EFHC1: variants seen among roughly 807,000 people sequenced by gnomAD.
The protein encoded by EFHC1 is EF-hand domain containing 1, also known as EF-hand domain-containing protein 1.
Under a neutral mutation model 69.9 loss-of-function variants are expected in EFHC1, and 53 were observed. The observed-to-expected ratio is 0.76, with a 90% CI of 0.61 to 0.95. EFHC1 has a LOEUF of 0.95. Ranked by LOEUF, EFHC1 falls within the 40% of genes least tolerant of loss-of-function variation. The pLI is 0.00. For synonymous variants in EFHC1, 256 were observed against 278.4 expected, an observed-to-expected ratio of 0.92 and a Z score of 0.80; for missense variants, 739 against 798.7, an observed-to-expected ratio of 0.93 and a Z score of 0.90.
intron 7 of EFHC1, among the ~76,000 whole-genome samples, chr6:52,477,899 C>A (rs1765577725): frequency 6.6e-6 from 1 of 152,116 alleles, no homozygotes; most frequent in South Asian, 2.1e-4. Context: ...CTGGAAATAC[C>A]ATTTGACCCA....
rs9463792 is a variant in EFHC1, at chr6:52,492,733, A to C, written c.*392A>C. 0.028 allele frequency: 12,502 copies of C among 442,070 alleles called. 405 individuals are homozygous for C. Among genetic ancestry groups the C allele is most frequent in the East Asian group, 0.15 (2,099 of 14,300 alleles). The allele number at this position is 442,070 out of a possible 1,614,324, so 27.4% of individuals were successfully genotyped here. On this transcript the variant is annotated 3_prime_UTR_variant, in exon 11 of 11. Transcript: ENST00000371068. ...GGGCTCAAGTGATCCTCCCACTTCA[A>C]CCTCCCCAGTAGCTGGGACAACAGG...
At chr6:52,441,459 A>G (rs146393865) in intron 3 of EFHC1, among the ~76,000 whole-genome samples, 45 of 152,118 alleles carry the variant, frequency 3.0e-4, no homozygotes, top group African/African-American at 9.6e-4. Flanking sequence ...CCATTGGTCT[A>G]TGTGTCTGTT....
chr6:52,423,656 AATT>A, intron 1 of EFHC1: 2 of 488,040 alleles, frequency 4.1e-6, no homozygotes, highest in Non-Finnish European at 3.5e-6. Context: ...ACACCCAGCT[AATT>A]TTTTTTTTTT....
intron 7 of EFHC1, among the ~76,000 whole-genome samples, chr6:52,477,194 G>A (rs973185269): frequency 6.6e-6 from 1 of 151,956 alleles, no homozygotes; most frequent in Non-Finnish European, 1.5e-5. Flanking sequence ...GAGAGCAGAG[G>A]AGTGATATGA....
rs780537898 is a variant in EFHC1 at position 52,438,444 on chromosome 6, A to G, written c.426A>G (p.Gly142=). 2 of 1,614,126 alleles carry G rather than the reference A, an allele frequency of 1.2e-6. No homozygotes were observed. The highest frequency in any genetic ancestry group is 4.5e-5 in the East Asian group (2 of 44,884). ...SVIEPVVENS[G]ILQGKLIKRQ... ...TAGAGCCTGTTGTAGAAAATTCTGG[A>G]ATCCTTCAAGGCAAGTTAATAAAAC... is the stretch of plus-strand genomic sequence containing the variant. Residue 142 remains glycine (G), a synonymous_variant, in exon 3 of 11, where the codon GGA becomes GGG. Coordinates refer to ENST00000371068, the MANE Select transcript of EFHC1 (RefSeq NM_018100.4).
At position 52,452,543 on chromosome 6, in the gene EFHC1, C is replaced by A. The variant is rs1187241518; in HGVS notation, c.574-145C>A. On this transcript the variant is annotated intron_variant, in intron 3 of 10. Transcript: ENST00000371068. Reference sequence around the variant, plus strand: ...TTGTGAACTCCTGCGTTTCAGGAGTCCTCCTACCTCAGCCTCCCAAAGTGC... The same window carrying A: ...TTGTGAACTCCTGCGTTTCAGGAGTACTCCTACCTCAGCCTCCCAAAGTGC... The A allele has an allele frequency of 1.2e-5, 10 of 841,486 alleles. No homozygotes were observed. The Admixed American group carries it at 2.1e-4, about 18-fold the overall frequency. The allele number at this position is 841,486 out of a possible 1,614,324, so 52.1% of individuals were successfully genotyped here.
chr6:52,488,238 C>T (rs1765827232), intron 9 of EFHC1: 2 of 152,152 alleles, frequency 1.3e-5, no homozygotes, highest in Admixed American at 6.5e-5. Context: ...CCCTGGTGGT[C>T]ATTCATAATT....
At chr6:52,464,793 T>G in intron 5 of EFHC1, 102 bp from the exon 6 acceptor site, 1 of 953,438 alleles carries the variant, frequency 1.0e-6, no homozygotes, top group Non-Finnish European at 1.7e-6. Context: ...AGCAAAAGAC[T>G]GCACTCCCTC....
At chr6:52,424,193 C>T in intron 2 of EFHC1, 26 bp downstream of exon 2, 2 of 1,606,214 alleles carry the variant, frequency 1.2e-6, no homozygotes, top group Middle Eastern at 1.8e-4. Flanking sequence ...TTAGGGTACC[C>T]CTTGAATTAG....
At chr6:52,420,874 C>T (rs970435316) in intron 1 of EFHC1, 5 of 422,554 alleles carry the variant, frequency 1.2e-5, no homozygotes, top group South Asian at 2.5e-5. Context: ...CGTTCTCTCA[C>T]ATCATAACCT....
rs777195881 is a variant in EFHC1 at position 52,435,354 on chromosome 6, G to T, written c.286-2950G>T. 3.0e-4 allele frequency among the ~76,000 whole-genome samples: 46 copies of T among 152,208 alleles called. No individual in the cohort carries two copies. The Middle Eastern group carries it at 0.017, about 56-fold the overall frequency. The stretch of plus-strand genomic sequence containing the variant: ...AAAAATGTTTGCATTATCCTTGAAT[G>T]TTCTGTAATATTTACTTCTTCCCCT... On this transcript the variant is annotated intron_variant, in intron 2 of 10. Transcript: ENST00000371068.
intron 1 of EFHC1, 109 bp downstream of exon 1, chr6:52,420,582 C>A: frequency 3.0e-6 from 4 of 1,333,582 alleles, no homozygotes; most frequent in Non-Finnish European, 4.3e-6. Flanking sequence ...GTCTTCTCTC[C>A]AAACACGTCT....
In EFHC1 at chr6:52,424,022, T is replaced by A. The variant is rs368839861; in HGVS notation, c.140T>A (p.Ile47Lys). The A allele has an allele frequency of 1.9e-5, 31 of 1,614,010 alleles. No homozygotes were observed. Among genetic ancestry groups the A allele is most frequent in the Non-Finnish European group, 2.4e-5 (28 of 1,180,032 alleles). The change falls in exon 2 of 11, where the codon ATA (isoleucine) becomes AAA (lysine). Residue 47 changes from isoleucine (I) to lysine (K), a missense_variant. Coordinates refer to ENST00000371068, the MANE Select transcript of EFHC1 (RefSeq NM_018100.4). ...YAIVRRPTVG[I>K]GGDRLQFNQL... ...ATTGTTCGACGTCCAACAGTTGGGA[T>A]AGGCGGAGACCGGCTCCAGTTCAAC...
chr6:52,455,943 A>T (rs1290817277), intron 5 of EFHC1, among the ~76,000 whole-genome samples: 3 of 152,216 alleles, frequency 2.0e-5, no homozygotes, highest in African/African-American at 7.2e-5. Flanking sequence ...GATGGATCTT[A>T]AAAACATAGT....
intron 7 of EFHC1, among the ~76,000 whole-genome samples, chr6:52,473,772 G>C (rs1765488451): frequency 2.0e-5 from 3 of 151,868 alleles, no homozygotes; most frequent in African/African-American, 7.3e-5. Context: ...GCAGAGAAAG[G>C]CTCTGTCTCC....
At chr6:52,477,504 A>G (rs1203373252) in intron 7 of EFHC1, among the ~76,000 whole-genome samples, 2 of 152,116 alleles carry the variant, frequency 1.3e-5, no homozygotes, top group African/African-American at 2.4e-5. Flanking sequence ...TCACTCTGCA[A>G]TTTGATTTAG....
At chr6:52,428,574 T>C (rs1310644944) in intron 2 of EFHC1, among the ~76,000 whole-genome samples, 1 of 152,222 alleles carries the variant, frequency 6.6e-6, no homozygotes, top group Non-Finnish European at 1.5e-5. Flanking sequence ...ATTTTCTTTG[T>C]CCACTTATTG....
At chr6:52,484,269 A>C (rs148219557) in intron 9 of EFHC1, 239 of 152,316 alleles carry the variant, frequency 1.6e-3, no homozygotes, top group African/African-American at 5.5e-3. Flanking sequence ...ACCCTTAAAA[A>C]TTATTGAGGG....
At chr6:52,453,465 C>T (rs1764964140) in intron 4 of EFHC1, 1 of 1,287,000 alleles carries the variant, frequency 7.8e-7, no homozygotes, top group Admixed American at 2.3e-5. Flanking sequence ...TGCTTCTTTG[C>T]TGCTCCTTTT....
Sources: allele counts gnomAD v4.1 joint callset (sites outside exome capture counted in the v4.1 genomes callset), GRCh38; gene constraint gnomAD v4.1.1; transcripts MANE v1.5; gene names NCBI Gene and HGNC (gene_info 2026-07-23, HGNC 2026-07-21).